Variants in CLYBL observed in about 807,000 individuals in gnomAD.
The protein encoded by CLYBL is citramalyl-CoA lyase.
A neutral mutation model predicts 38.9 loss-of-function variants in CLYBL; 31 were observed. That is an observed-to-expected ratio of 0.80 (90% CI 0.60 to 1.08). The LOEUF is 1.08. Among genes scored for constraint, CLYBL ranks in the 50% least tolerant of loss-of-function variants. The pLI is 0.00. For missense variants in CLYBL, 434 were observed against 411.6 expected, an observed-to-expected ratio of 1.05 and a Z score of -0.47; for synonymous variants, 171 against 158.6, an observed-to-expected ratio of 1.08 and a Z score of -0.59.
chr13:99,673,627 C>T lies in CLYBL; in HGVS notation c.62+66870C>T, dbSNP rs553640140. 5.3e-5 allele frequency among the ~76,000 whole-genome samples: 8 copies of T among 152,222 alleles called. No individual in the cohort carries two copies. The East Asian group carries it at 1.4e-3, about 26-fold the overall frequency. On this transcript the variant is annotated intron_variant, in intron 1 of 8. Transcript: ENST00000339105. ...CGTGGTTAGCAGGGAGGGCTGTGGG[C>T]TGGTGTGAAGTGAGAGGGGTCCACA...
At position 99,785,191 on chromosome 13, in the gene CLYBL, C is replaced by CTT. The variant is rs58550861; in HGVS notation, c.249+12214_249+12215dup. 8.2e-3 allele frequency among the ~76,000 whole-genome samples: 282 copies of CTT among 34,216 alleles called. 17 individuals are homozygous for CTT. Among genetic ancestry groups the CTT allele is most frequent in the African/African-American group, 0.022 (156 of 7,138 alleles). 22.4% of individuals were successfully genotyped at this position (34,216 alleles called of 152,430 possible). A position where few individuals can be genotyped will look rare whatever the true frequency, so the allele number is the denominator to read the frequency against. On this transcript the variant is annotated intron_variant, in intron 2 of 8. Transcript: ENST00000339105. Reference sequence around the variant, plus strand: ...TACAGACTTGAGCCACCCCGCCTGGCTTTTTTTTTTTTTTTTTTTTTTTTT... The same window carrying CTT: ...TACAGACTTGAGCCACCCCGCCTGGCTTTTTTTTTTTTTTTTTTTTTTTTTTT...
intron 1 of CLYBL, among the ~76,000 whole-genome samples, chr13:99,765,877 G>C (rs566346588): frequency 7.0e-6 from 1 of 143,312 alleles, no homozygotes; most frequent in South Asian, 2.2e-4. Flanking sequence ...TTAAAGACAG[G>C]TTCTCATTCT....
At chr13:99,702,632 C>CAAAA (rs60185334) in intron 1 of CLYBL, among the ~76,000 whole-genome samples, 7 of 68,408 alleles carry the variant, frequency 1.0e-4, no homozygotes, top group Middle Eastern at 7.4e-3. Context: ...AATTCCGTCT[C>CAAAA]AAAAAAAAAA....
intron 2 of CLYBL, among the ~76,000 whole-genome samples, chr13:99,831,913 A>T (rs2050811814): frequency 6.6e-6 from 1 of 152,198 alleles, no homozygotes; most frequent in Admixed American, 6.5e-5. Flanking sequence ...CTGTTTTATT[A>T]TACATTTATC....
At chr13:99,636,127 T>G (rs778735345) in intron 1 of CLYBL, among the ~76,000 whole-genome samples, 1 of 152,174 alleles carries the variant, frequency 6.6e-6, no homozygotes, top group Non-Finnish European at 1.5e-5. Flanking sequence ...TTTCACGTAA[T>G]GTGAAATTCA....
chr13:99,881,913 A>G (rs2052221151), intron 7 of CLYBL, among the ~76,000 whole-genome samples: 1 of 152,210 alleles, frequency 6.6e-6, no homozygotes, highest in Admixed American at 6.5e-5. Flanking sequence ...AAATTATAGT[A>G]AGAACTTTCA....
chr13:99,804,372 T>A (rs1279942483), intron 2 of CLYBL, among the ~76,000 whole-genome samples: 1 of 152,232 alleles, frequency 6.6e-6, no homozygotes, highest in African/African-American at 2.4e-5. Flanking sequence ...GGTTATACTG[T>A]TGCTGTTGTT....
At chr13:99,790,972 C>T (rs2049904053) in intron 2 of CLYBL, among the ~76,000 whole-genome samples, 1 of 152,142 alleles carries the variant, frequency 6.6e-6, no homozygotes, top group South Asian at 2.1e-4. Context: ...TGAACATAAT[C>T]TCATTTTTTT....
chr13:99,716,778 T>G (rs1259715116), intron 1 of CLYBL, among the ~76,000 whole-genome samples: 9 of 148,362 alleles, frequency 6.1e-5, no homozygotes. Flanking sequence ...CTTTAATTTC[T>G]TTTCTTTTCT....
chr13:99,629,184 C>T (rs578230035), intron 1 of CLYBL, among the ~76,000 whole-genome samples: 19 of 152,290 alleles, frequency 1.2e-4, no homozygotes, highest in Middle Eastern at 3.4e-3. Flanking sequence ...AGGTTCTTGG[C>T]CTGTGGAAAT....
intron 1 of CLYBL, among the ~76,000 whole-genome samples, chr13:99,641,771 C>CA: frequency 6.6e-6 from 1 of 152,104 alleles, no homozygotes; most frequent in East Asian, 1.9e-4. Flanking sequence ...GAGATCGCAC[C>CA]ACTGCACTCC....
At chr13:99,720,201 A>G (rs2048374447) in intron 1 of CLYBL, among the ~76,000 whole-genome samples, 1 of 151,046 alleles carries the variant, frequency 6.6e-6, no homozygotes, top group African/African-American at 2.4e-5. Context: ...TCTTTTGGTG[A>G]TTACATTTAA....
chr13:99,878,315 T>C (rs1228146898), intron 7 of CLYBL, among the ~76,000 whole-genome samples: 2 of 152,256 alleles, frequency 1.3e-5, no homozygotes, highest in Non-Finnish European at 2.9e-5. Context: ...TAATGTTAAC[T>C]CATTAAATCT....
chr13:99,771,988 C>T (rs978858958), intron 1 of CLYBL, among the ~76,000 whole-genome samples: 1 of 152,186 alleles, frequency 6.6e-6, no homozygotes, highest in Non-Finnish European at 1.5e-5. Context: ...CATTCACTGT[C>T]CTTCCTACTC....
intron 2 of CLYBL, among the ~76,000 whole-genome samples, chr13:99,803,122 G>T (rs1460959395): frequency 6.6e-6 from 1 of 152,170 alleles, no homozygotes; most frequent in Non-Finnish European, 1.5e-5. Context: ...ACCAACAAGG[G>T]GTAATTCAGC....
At chr13:99,736,183 T>A (rs1211987027) in intron 1 of CLYBL, among the ~76,000 whole-genome samples, 3 of 151,644 alleles carry the variant, frequency 2.0e-5, no homozygotes, top group East Asian at 3.9e-4. Context: ...CAGTTGGGAT[T>A]ACAGGCACCC....
chr13:99,791,519 C>T (rs2049917789), intron 2 of CLYBL, among the ~76,000 whole-genome samples: 1 of 152,094 alleles, frequency 6.6e-6, no homozygotes, highest in African/African-American at 2.4e-5. Context: ...TTGCTTGTGC[C>T]TGTGTCTGGA....
intron 2 of CLYBL, among the ~76,000 whole-genome samples, chr13:99,813,142 GA>G (rs200648542): frequency 6.7e-6 from 1 of 149,244 alleles, no homozygotes; most frequent in East Asian, 2.0e-4. Flanking sequence ...TTTGTCTCAG[GA>G]AAAAAAAATG....
At chr13:99,827,602 C>A (rs1031043233) in intron 2 of CLYBL, among the ~76,000 whole-genome samples, 1 of 152,202 alleles carries the variant, frequency 6.6e-6, no homozygotes, top group Non-Finnish European at 1.5e-5. Context: ...GCACTCACAT[C>A]CACCCCCTAC....
Sources: gnomAD v4.1 joint callset for allele counts (sites outside exome capture counted in the v4.1 genomes callset) on GRCh38, gnomAD v4.1.1 for gene constraint, MANE v1.5 for transcripts, NCBI Gene and HGNC (gene_info 2026-07-23, HGNC 2026-07-21) for gene names.